The following SGPP2 variants were observed in gnomAD, a reference collection of about 807,000 sequenced individuals.
SGPP2 encodes the protein sphingosine-1-phosphate phosphatase 2.
SGPP2 carries 30 observed loss-of-function variants against 33.9 expected under a neutral mutation model. The ratio of observed to expected loss-of-function variants is 0.89; its 90% CI spans 0.66 to 1.20. The LOEUF (loss-of-function observed/expected upper bound fraction) is 1.20. SGPP2 is among the 50% of genes most tolerant of loss of function. SGPP2 has a pLI of 0.00. For missense variants in SGPP2, 458 were observed against 532.1 expected (o/e 0.86, Z 1.37); for synonymous variants, 233 against 225.0 (o/e 1.04, Z -0.32).
chr2:222,539,829 CAG>C (rs1445739735), intron 4 of SGPP2, among the ~76,000 whole-genome samples: 1 of 152,220 alleles, frequency 6.6e-6, no homozygotes, highest in Non-Finnish European at 1.5e-5. Context: ...GGATACCTAA[CAG>C]GGTGCCAGTT....
intron 2 of SGPP2, among the ~76,000 whole-genome samples, chr2:222,520,312 C>T (rs370766358): frequency 6.6e-5 from 10 of 151,734 alleles, no homozygotes; most frequent in South Asian, 2.1e-4. Context: ...TAGATATGAA[C>T]GCTGGTATGT....
At chr2:222,429,760 C>T (rs1273358370) in intron 1 of SGPP2, among the ~76,000 whole-genome samples, 7 of 152,194 alleles carry the variant, frequency 4.6e-5, no homozygotes, top group Admixed American at 4.6e-4. Flanking sequence ...AATGTCCAGA[C>T]TTGAAACTGT....
chr2:222,538,239 G>A (rs1440390615), intron 4 of SGPP2, among the ~76,000 whole-genome samples: 2 of 152,156 alleles, frequency 1.3e-5, no homozygotes, highest in Non-Finnish European at 2.9e-5. Flanking sequence ...GTTTTGACCT[G>A]ACTCTGAGCA....
rs530491144 is a variant in SGPP2 at position 222,508,850 on chromosome 2, G to A, written c.379-12917G>A. Among the ~76,000 whole-genome samples, 5 of 152,164 alleles carry A rather than the reference G, an allele frequency of 3.3e-5. No individual in the cohort carries two copies. The South Asian group carries it at 8.3e-4, about 25-fold the overall frequency. On this transcript the variant is annotated intron_variant, in intron 2 of 4. Coordinates refer to ENST00000321276, the MANE Select transcript of SGPP2 (RefSeq NM_152386.4). ...GTGCTTGCTTTGTTTTGGTGGTTTA[G>A]ACATGAGTAGCACTGTACTAGTTTG...
chr2:222,498,170 C>T (rs551611121), intron 2 of SGPP2: 12 of 152,214 alleles, frequency 7.9e-5, no homozygotes, highest in African/African-American at 2.9e-4. Flanking sequence ...CATCAACTCA[C>T]CCTGAGATCA....
intron 4 of SGPP2, among the ~76,000 whole-genome samples, chr2:222,533,144 AG>A: frequency 6.6e-6 from 1 of 152,338 alleles, no homozygotes; most frequent in East Asian, 1.9e-4. Flanking sequence ...AAAGAGGGAA[AG>A]GAGGGAAGAT....
At chr2:222,515,089 G>A (rs1331173203) in intron 2 of SGPP2, among the ~76,000 whole-genome samples, 1 of 147,642 alleles carries the variant, frequency 6.8e-6, no homozygotes, top group Non-Finnish European at 1.5e-5. Context: ...ACATCATACT[G>A]CATCTGTTAC....
chr2:222,424,504 G>A, upstream of SGPP2: 2 of 863,456 alleles, frequency 2.3e-6, no homozygotes, highest in Non-Finnish European at 1.5e-6. Context: ...GCCTCCGCCC[G>A]GAGTGCGGGA....
intron 4 of SGPP2, among the ~76,000 whole-genome samples, chr2:222,553,441 T>C (rs1689331751): frequency 6.6e-6 from 1 of 152,188 alleles, no homozygotes; most frequent in Non-Finnish European, 1.5e-5. Context: ...ATGAAACCCA[T>C]GTCATAGAAG....
intron 4 of SGPP2, among the ~76,000 whole-genome samples, chr2:222,538,241 C>T (rs1698942579): frequency 6.6e-6 from 1 of 152,102 alleles, no homozygotes; most frequent in South Asian, 2.1e-4. Context: ...TTTGACCTGA[C>T]TCTGAGCATT....
At position 222,550,289 on chromosome 2, in the gene SGPP2, A is replaced by G. The variant is rs1175075460; in HGVS notation, c.649-8058A>G. On this transcript the variant is annotated intron_variant, in intron 4 of 4. Coordinates refer to ENST00000321276, the MANE Select transcript of SGPP2 (RefSeq NM_152386.4). The surrounding 1 kb of genome is among the most constrained non-coding windows in gnomAD (Gnocchi z 4.5). ...TGGCATGATGTGAAAATTATAAACA[A>G]TCATTTCTAGTTTAGTCTGTTTTGA... 6.6e-6 allele frequency among the ~76,000 whole-genome samples: 1 copy of G among 152,148 alleles called. No homozygotes were observed. The highest frequency in any genetic ancestry group is 2.4e-5 in the African/African-American group (1 of 41,434).
At chr2:222,440,619 G>A (rs1697310817) in intron 1 of SGPP2, among the ~76,000 whole-genome samples, 3 of 152,074 alleles carry the variant, frequency 2.0e-5, no homozygotes, top group South Asian at 2.1e-4. Context: ...GGGTTTACAG[G>A]CATGAGCCAC....
intron 1 of SGPP2, chr2:222,453,040 C>G (rs1697516324): frequency 7.2e-6 from 11 of 1,535,198 alleles, no homozygotes; most frequent in Non-Finnish European, 9.0e-6. Context: ...GGGACCTTGT[C>G]TTCCTTCTTT....
chr2:222,516,298 T>C (rs1463477291), intron 2 of SGPP2, among the ~76,000 whole-genome samples: 1 of 152,236 alleles, frequency 6.6e-6, no homozygotes, highest in Non-Finnish European at 1.5e-5. Flanking sequence ...TGGTCTGGCT[T>C]CTCTTCATTC....
chr2:222,465,112 G>A lies in SGPP2; in HGVS notation c.220-9456G>A, dbSNP rs568504904. ...TCCTTGGACGCAGCAGAGGGATCCC[G>A]ACAAACGCCCACTAAGCAGGTGACA... On this transcript the variant is annotated intron_variant, in intron 1 of 4. Coordinates refer to ENST00000321276, the MANE Select transcript of SGPP2 (RefSeq NM_152386.4). This position sits in a 1 kb window ranked among gnomAD's most constrained non-coding sequence, Gnocchi z 4.1. Among the ~76,000 whole-genome samples the A allele has an allele frequency of 6.6e-6, 1 of 152,274 alleles. No individual in the cohort carries two copies. Among genetic ancestry groups the A allele is most frequent in the African/African-American group, 2.4e-5 (1 of 41,558 alleles).
chr2:222,492,370 C>T (rs1698210368), intron 2 of SGPP2, among the ~76,000 whole-genome samples: 1 of 152,258 alleles, frequency 6.6e-6, no homozygotes, highest in African/African-American at 2.4e-5. Context: ...CAGTTCTTGA[C>T]TTCTGTGTGC....
chr2:222,527,399 A>C (rs527741735), intron 4 of SGPP2, among the ~76,000 whole-genome samples: 5 of 152,334 alleles, frequency 3.3e-5, no homozygotes, highest in African/African-American at 1.2e-4. Context: ...TCATCCATTC[A>C]TCTGTCAGTG....
At chr2:222,489,616 C>T (rs963929337) in intron 2 of SGPP2, among the ~76,000 whole-genome samples, 5 of 152,000 alleles carry the variant, frequency 3.3e-5, no homozygotes, top group Non-Finnish European at 5.9e-5. Context: ...GAATGGTTGA[C>T]TGTCCTACAG....
At chr2:222,503,595 C>T (rs916332000) in intron 2 of SGPP2, among the ~76,000 whole-genome samples, 1 of 151,946 alleles carries the variant, frequency 6.6e-6, no homozygotes, top group Non-Finnish European at 1.5e-5. Context: ...GATTATAATG[C>T]CAGTGATTAT....
Sources: gnomAD v4.1 joint callset for allele counts (sites outside exome capture counted in the v4.1 genomes callset) on GRCh38, gnomAD v4.1.1 for gene constraint, Gnocchi (gnomAD v3.1) non-coding constraint, MANE v1.5 for transcripts, NCBI Gene and HGNC (gene_info 2026-07-23, HGNC 2026-07-21) for gene names.